LRFN5: variants seen among roughly 807,000 people sequenced by gnomAD.
The protein encoded by LRFN5 is leucine-rich repeat and fibronectin type-III domain-containing protein 5.
A neutral mutation model predicts 45.6 loss-of-function variants in LRFN5; 24 were observed. The observed-to-expected ratio is 0.53, with a 90% CI of 0.38 to 0.74. LRFN5 has a LOEUF of 0.74. Among genes scored for constraint, LRFN5 ranks in the 30% least tolerant of loss-of-function variants. The pLI is 0.00. For missense variants in LRFN5, 776 were observed against 861.5 expected (o/e 0.90, Z 1.24); for synonymous variants, 340 against 313.8 (o/e 1.08, Z -0.88).
intron 1 of LRFN5, among the ~76,000 whole-genome samples, chr14:41,691,535 T>C (rs980181985): frequency 2.6e-5 from 4 of 152,116 alleles, no homozygotes; most frequent in African/African-American, 9.6e-5. Context: ...AGAATGTTTA[T>C]GTTATTGGTG....
intron 1 of LRFN5, among the ~76,000 whole-genome samples, chr14:41,732,715 C>A (rs1884232538): frequency 1.4e-5 from 2 of 147,846 alleles, no homozygotes; most frequent in Non-Finnish European, 1.5e-5. Flanking sequence ...TACAAGGAAA[C>A]AAGAAAAGAT....
rs186568758 is a variant in LRFN5 at position 41,790,376 on chromosome 14, T to C, written c.-21+23347T>C. On this transcript the variant is annotated intron_variant, in intron 2 of 5. Coordinates refer to ENST00000298119, the MANE Select transcript of LRFN5 (RefSeq NM_152447.5). ...TAAACTATTTGTTCATTTTGTCCTT[T>C]AAAGGTACTACTAATGACATTGTTG... Among the ~76,000 whole-genome samples the C allele has an allele frequency of 3.7e-4, 56 of 152,012 alleles. No individual in the cohort carries two copies. The East Asian group carries it at 0.01, about 27-fold the overall frequency.
At chr14:41,757,843 G>A (rs902553397) in intron 1 of LRFN5, among the ~76,000 whole-genome samples, 69 of 152,228 alleles carry the variant, frequency 4.5e-4, no homozygotes, top group Middle Eastern at 3.4e-3. Context: ...AGTCTTCTGC[G>A]TGGCTCACAT....
chr14:41,787,951 A>G (rs963349844), intron 2 of LRFN5, among the ~76,000 whole-genome samples: 2 of 151,974 alleles, frequency 1.3e-5, no homozygotes, highest in African/African-American at 4.8e-5. Context: ...GGTGCCCTAT[A>G]AGAAAAGATA....
intron 1 of LRFN5, among the ~76,000 whole-genome samples, chr14:41,674,851 C>A (rs966362183): frequency 6.7e-6 from 1 of 149,674 alleles, no homozygotes; most frequent in Admixed American, 6.6e-5. Flanking sequence ...TCAGACGGGG[C>A]GGTTGCCGGG....
chr14:41,751,010 C>G (rs541734278), intron 1 of LRFN5, among the ~76,000 whole-genome samples: 2 of 152,080 alleles, frequency 1.3e-5, no homozygotes, highest in South Asian at 4.2e-4. Flanking sequence ...GTGTGATGTT[C>G]CCCGCCCTGT....
At chr14:41,800,740 A>G (rs1313865476) in intron 2 of LRFN5, among the ~76,000 whole-genome samples, 1 of 151,456 alleles carries the variant, frequency 6.6e-6, no homozygotes, top group African/African-American at 2.4e-5. Context: ...GTAAGTCTAA[A>G]TTCTGTGTCT....
chr14:41,904,238 T>G lies in LRFN5; in HGVS notation c.*63T>G, dbSNP rs1021171118. 3.4e-5 allele frequency: 53 copies of G among 1,580,250 alleles called. No homozygotes were observed. The highest frequency in any genetic ancestry group is 2.9e-4 in the Admixed American group (17 of 59,592). On this transcript the variant is annotated 3_prime_UTR_variant, in exon 6 of 6. Coordinates refer to ENST00000298119, the MANE Select transcript of LRFN5 (RefSeq NM_152447.5). ...CCACTGATATTTTTACTGGATAAAA[T>G]TCAAAAATGTTTCAATTCACAAAGG...
At chr14:41,759,478 C>T (rs1471376908) in intron 1 of LRFN5, among the ~76,000 whole-genome samples, 2 of 126,740 alleles carry the variant, frequency 1.6e-5, no homozygotes, top group South Asian at 2.7e-4. Context: ...CACACACACA[C>T]ACACACACAC....
intron 1 of LRFN5, among the ~76,000 whole-genome samples, chr14:41,726,100 A>G (rs1883920006): frequency 1.3e-5 from 2 of 152,180 alleles, no homozygotes; most frequent in South Asian, 2.1e-4. Context: ...TTGGATAAAA[A>G]GGGGATCATG....
At chr14:41,719,467 C>A (rs1883624068) in intron 1 of LRFN5, among the ~76,000 whole-genome samples, 1 of 151,632 alleles carries the variant, frequency 6.6e-6, no homozygotes, top group Non-Finnish European at 1.5e-5. Context: ...TTGAAATTAT[C>A]CTATTGTAAT....
At chr14:41,814,240 C>T (rs1566460229) in intron 2 of LRFN5, among the ~76,000 whole-genome samples, 1 of 152,060 alleles carries the variant, frequency 6.6e-6, no homozygotes, top group Non-Finnish European at 1.5e-5. Context: ...TTGCTTATGC[C>T]TATGTCCTGA....
chr14:41,636,437 A>G (rs974580705), intron 1 of LRFN5, among the ~76,000 whole-genome samples: 2 of 152,084 alleles, frequency 1.3e-5, no homozygotes, highest in African/African-American at 2.4e-5. Context: ...AGTTAATTTC[A>G]TGGGTCTCTT....
At chr14:41,709,617 TA>T (rs1382524311) in intron 1 of LRFN5, among the ~76,000 whole-genome samples, 1 of 152,116 alleles carries the variant, frequency 6.6e-6, no homozygotes, top group Non-Finnish European at 1.5e-5. Context: ...TTTCTCTTTG[TA>T]TGTGAAGAAT....
chr14:41,805,965 G>A (rs897753924), intron 2 of LRFN5, among the ~76,000 whole-genome samples: 1 of 152,136 alleles, frequency 6.6e-6, no homozygotes, highest in Non-Finnish European at 1.5e-5. Context: ...CACTGGTCTT[G>A]CAGACAGACC....
chr14:41,887,241 A>C lies in LRFN5; in HGVS notation c.616A>C (p.Lys206Gln). 6.2e-7 allele frequency: 1 copy of C among 1,614,242 alleles called. No individual in the cohort carries two copies. Among genetic ancestry groups the C allele is most frequent in the Non-Finnish European group, 8.5e-7 (1 of 1,180,046 alleles). Residue 206 changes from lysine (K) to glutamine (Q), a missense_variant, in exon 3 of 6, where the codon AAA (lysine) becomes CAA (glutamine). Physicochemically the swap from Lys to Gln is moderately conservative, Grantham distance 53. This residue lies in a region of LRFN5 where 311 missense variants were observed against 405.1 expected (regional missense o/e 0.77). Coordinates refer to ENST00000298119, the MANE Select transcript of LRFN5 (RefSeq NM_152447.5). The surrounding 1 kb of genome is among the most constrained non-coding windows in gnomAD (Gnocchi z 4.8). ...GACTCGGTTAGATGTGACATCAAAT[A>C]AATTGCAGAAGCTACCACCTGACCC... ...KMTRLDVTSN[K>Q]LQKLPPDPLF...
intron 1 of LRFN5, among the ~76,000 whole-genome samples, chr14:41,613,367 C>T (rs908184544): frequency 6.6e-6 from 1 of 152,016 alleles, no homozygotes; most frequent in Non-Finnish European, 1.5e-5. Context: ...AATGTACATT[C>T]CAACCATGGC....
At chr14:41,692,339 AT>A in intron 1 of LRFN5, among the ~76,000 whole-genome samples, 1 of 151,944 alleles carries the variant, frequency 6.6e-6, no homozygotes, top group East Asian at 1.9e-4. Flanking sequence ...TCCTTTATAG[AT>A]TCTGGATATG....
chr14:41,797,758 C>G (rs1887181837), intron 2 of LRFN5, among the ~76,000 whole-genome samples: 1 of 151,754 alleles, frequency 6.6e-6, no homozygotes, highest in South Asian at 2.1e-4. Flanking sequence ...AGAAAACTAA[C>G]ATCCCAGTGA....
Sources: allele counts gnomAD v4.1 joint callset (sites outside exome capture counted in the v4.1 genomes callset), GRCh38; gene constraint gnomAD v4.1.1; regional missense constraint gnomAD v4.1.1; non-coding constraint Gnocchi (gnomAD v3.1); transcripts MANE v1.5; gene names NCBI Gene and HGNC (gene_info 2026-07-23, HGNC 2026-07-21).